Variants in ADAD2 observed in about 807,000 individuals in gnomAD.
ADAD2 encodes the protein adenosine deaminase domain containing 2.
In ADAD2, 60 loss-of-function variants were observed where a neutral mutation model predicts 54.5. The observed-to-expected ratio is 1.10, with a 90% CI of 0.89 to 1.36. The LOEUF is 1.36. ADAD2 is among the 40% of genes most tolerant of loss of function. ADAD2 has a pLI of 0.00. For synonymous variants in ADAD2, 543 were observed against 366.2 expected (o/e 1.48, Z -5.51); for missense variants, 1,103 against 801.3 (o/e 1.38, Z -4.54).
At position 84,195,886 on chromosome 16, in the gene ADAD2, A is replaced by G; in HGVS notation, c.1124A>G (p.Gln375Arg). ...PMRLQAHVLGQLKPVCYVAPS... is the reference protein window; with the variant it reads ...PMRLQAHVLGRLKPVCYVAPS... ...CGCCTGCAGGCCCATGTGCTCGGGC[A>G]GCTGAAGCCTGTGTGCTACGTGGCG... Residue 375 changes from glutamine to arginine, a missense_variant, in exon 7 of 10, where the codon CAG becomes CGG. Physicochemically the swap from Gln to Arg is conservative, Grantham distance 43. Coordinates refer to ENST00000315906, the MANE Select transcript of ADAD2 (RefSeq NM_001145400.2). 1 of 1,603,700 alleles carries G rather than the reference A, an allele frequency of 6.2e-7. No individual in the cohort carries two copies. The highest frequency in any genetic ancestry group is 8.5e-7 in the Non-Finnish European group (1 of 1,179,366).
rs376560651 is a variant in ADAD2, at chr16:84,194,985, G to A, written c.607+5G>A. The A allele has an allele frequency of 3.1e-5, 49 of 1,592,052 alleles. No homozygotes were observed. The highest frequency in any genetic ancestry group is 3.8e-5 in the Non-Finnish European group (45 of 1,173,894). On this transcript the variant is annotated splice_donor_5th_base_variant and intron_variant, in intron 3 of 9. Transcript: ENST00000315906. The stretch of plus-strand genomic sequence containing the variant: ...CACTGGCCCCCCTGAGCGTAGGTAG[G>A]TGAGCATTCCCGGACCCAGGCTTGT...
rs1462004798 is a variant in ADAD2 at position 84,196,170 on chromosome 16, C to G, written c.1326C>G (p.His442Gln). Reference sequence around the variant, plus strand: ...CTCCGACTCTGAGCAGGGCCATCCACACCCGGCCCTGCCTGGACAGTGTCC... The same window carrying G: ...CTCCGACTCTGAGCAGGGCCATCCAGACCCGGCCCTGCCTGGACAGTGTCC... ...HDPPTLSRAI[H>Q]TRPCLDSVLG... The change falls in exon 8 of 10, where the codon CAC becomes CAG. Residue 442 changes from histidine to glutamine, a missense_variant. Coordinates refer to ENST00000315906, the MANE Select transcript of ADAD2 (RefSeq NM_001145400.2). 1.2e-6 allele frequency: 2 copies of G among 1,607,230 alleles called. No individual in the cohort carries two copies. Among genetic ancestry groups the G allele is most frequent in the East Asian group, 4.5e-5 (2 of 44,860 alleles).
chr16:84,191,230 C>A lies in ADAD2; in HGVS notation c.-1C>A. On this transcript the variant is annotated 5_prime_UTR_variant, in exon 1 of 10. Coordinates refer to ENST00000315906, the MANE Select transcript of ADAD2 (RefSeq NM_001145400.2). ...AGCGCCTCAGATCTTCGTTGGCGGC[C>A]ATGGCTTCGGCTTCTCAGGGCGCTG... The A allele has an allele frequency of 6.2e-7, 1 of 1,607,110 alleles. No individual in the cohort carries two copies.
chr16:84,195,153 G>T lies in ADAD2; in HGVS notation c.692G>T (p.Trp231Leu). The T allele has an allele frequency of 6.2e-7, 1 of 1,613,556 alleles. No homozygotes were observed. Among genetic ancestry groups the T allele is most frequent in the African/African-American group, 1.3e-5 (1 of 75,070 alleles). The change falls in exon 4 of 10, where the codon TGG becomes TTG. Residue 231 changes from tryptophan to leucine, a missense_variant. Coordinates refer to ENST00000315906, the MANE Select transcript of ADAD2 (RefSeq NM_001145400.2). ...DLLLDERSPYWACKGTVAGVI... is the reference protein window; with the variant it reads ...DLLLDERSPYLACKGTVAGVI... ...CTGTTGGACGAGCGCTCGCCATACTGGGCCTGTAAGGGGACTGTGGCTGGA... is the reference window on the plus strand; with the variant it reads ...CTGTTGGACGAGCGCTCGCCATACTTGGCCTGTAAGGGGACTGTGGCTGGA...
At chr16:84,194,256 C>T (rs751180973) in intron 1 of ADAD2, 186 bp from the exon 2 acceptor site, 10 of 1,553,536 alleles carry the variant, frequency 6.4e-6, no homozygotes, top group Non-Finnish European at 8.7e-6. Context: ...TGGGTCACAG[C>T]CTGCAGAGGC....
rs369990314 is a variant in ADAD2, at chr16:84,196,249, G to A, written c.1405G>A (p.Gly469Arg). 3 of 1,612,330 alleles carry A rather than the reference G, an allele frequency of 1.9e-6. No homozygotes were observed. Among genetic ancestry groups the A allele is most frequent in the African/African-American group, 2.7e-5 (2 of 74,920 alleles). ...CCGGACCGCCCTGCACCTGTTTGCA[G>A]GGCCCCCGGTGGCCCCTTCCGAACC... ...YVRTALHLFA[G>R]PPVAPSEPTP... Residue 469 changes from glycine (G) to arginine (R), a missense_variant, in exon 8 of 10, where the codon GGG becomes AGG. Gly to Arg is a moderately radical substitution (Grantham distance 125). Transcript: ENST00000315906.
In ADAD2 at chr16:84,191,812, C is replaced by A. The variant is rs1004567031; in HGVS notation, c.418+164C>A. The A allele has an allele frequency of 3.9e-6, 4 of 1,017,712 alleles. No homozygotes were observed. In the Admixed American group the frequency reaches 8.0e-5, roughly 20 times the overall value. The allele number at this position is 1,017,712 out of a possible 1,614,324, so 63.0% of individuals were successfully genotyped here. ...CTGAGCTTGGGACCTTGGGGTGGAC[C>A]CTGCTGTGAGCAGCGATCTCCAAGG... On this transcript the variant is annotated intron_variant, in intron 1 of 9. Coordinates refer to ENST00000315906, the MANE Select transcript of ADAD2 (RefSeq NM_001145400.2).
In ADAD2 at chr16:84,191,242, T is replaced by C. The variant is rs1376859174; in HGVS notation, c.12T>C (p.Ala4=). ...CTTCGTTGGCGGCCATGGCTTCGGC[T>C]TCTCAGGGCGCTGACGACGACGGCA... MAS[A]SQGADDDGSR... The change falls in exon 1 of 10, where the codon GCT becomes GCC. Residue 4 remains alanine (A), a synonymous_variant. Transcript: ENST00000315906. The C allele has an allele frequency of 1.2e-6, 2 of 1,607,926 alleles. No individual in the cohort carries two copies. The highest frequency in any genetic ancestry group is 1.7e-6 in the Non-Finnish European group (2 of 1,177,160).
chr16:84,194,855 C>T, intron 2 of ADAD2, 78 bp from the exon 3 acceptor site: 2 of 1,472,938 alleles, frequency 1.4e-6, no homozygotes, highest in Non-Finnish European at 1.8e-6. Flanking sequence ...AACTTCCTCT[C>T]CCCGCCTCCT....
rs569135830 is a variant in ADAD2 at position 84,191,404 on chromosome 16, G to A, written c.174G>A (p.Trp58Ter). 1.3e-6 allele frequency: 2 copies of A among 1,495,138 alleles called. No individual in the cohort carries two copies. The highest frequency in any genetic ancestry group is 1.8e-6 in the Non-Finnish European group (2 of 1,126,354). The allele number at this position is 1,495,138 out of a possible 1,614,324, so 92.6% of individuals were successfully genotyped here. The change falls in exon 1 of 10, where the codon TGG becomes TGA. Residue 58 changes from tryptophan to a stop codon, truncating the protein, a stop_gained. Transcript: ENST00000315906. LOFTEE classifies it high-confidence loss of function. ...CGACGTATCGCGCGGAGGGCGGGTG[G>A]CCCCAGGTCTCGGTGTTGAGGGACA... is the stretch of plus-strand genomic sequence containing the variant. ...APATYRAEGG[W>*]PQVSVLRDSG...
In ADAD2 at chr16:84,196,188, C is replaced by T. The variant is rs753132768; in HGVS notation, c.1344C>T (p.Asp448=). ...CCATCCACACCCGGCCCTGCCTGGA[C>T]AGTGTCCTGGGGCCATGCCTGCCAC... ...SRAIHTRPCL[D]SVLGPCLPPP... The change falls in exon 8 of 10, where the codon GAC becomes GAT. Residue 448 remains aspartate (D), a synonymous_variant. Coordinates refer to ENST00000315906, the MANE Select transcript of ADAD2 (RefSeq NM_001145400.2). The T allele has an allele frequency of 1.2e-6, 2 of 1,609,288 alleles. No individual in the cohort carries two copies. The highest frequency in any genetic ancestry group is 1.7e-6 in the Non-Finnish European group (2 of 1,179,918).
rs758144028 is a variant in ADAD2 at position 84,195,916 on chromosome 16, C to G, written c.1154C>G (p.Ser385Trp). 6.2e-7 allele frequency: 1 copy of G among 1,600,366 alleles called. No homozygotes were observed. The highest frequency in any genetic ancestry group is 1.3e-5 in the African/African-American group (1 of 74,994). The change falls in exon 7 of 10, where the codon TCG (serine) becomes TGG (tryptophan). Residue 385 changes from serine to tryptophan, a missense_variant. Transcript: ENST00000315906. ...QLKPVCYVAP[S>W]LCDTHVGCLS... ...AAGCCTGTGTGCTACGTGGCGCCCT[C>G]GCTCTGTGACACCCACGTGGGCTGC... is the stretch of plus-strand genomic sequence containing the variant.
rs771560993 is a variant in ADAD2, at chr16:84,195,956, C to T, written c.1194C>T (p.Asp398=). The T allele has an allele frequency of 6.3e-7, 1 of 1,599,244 alleles. No individual in the cohort carries two copies. The highest frequency in any genetic ancestry group is 2.2e-5 in the East Asian group (1 of 44,848). The change falls in exon 7 of 10, where the codon GAC becomes GAT. Residue 398 remains aspartate (D), a synonymous_variant. Transcript: ENST00000315906. ...DTHVGCLSAS[D]KLARWAVLGL... ...ACGTGGGCTGCCTGTCAGCCAGTGACAAGCTGGCACGCTGGGCCGTGCTGG... is the reference window on the plus strand; with the variant it reads ...ACGTGGGCTGCCTGTCAGCCAGTGATAAGCTGGCACGCTGGGCCGTGCTGG...
At position 84,194,549 on chromosome 16, in the gene ADAD2, C is replaced by T; in HGVS notation, c.526C>T (p.Leu176Phe). The change falls in exon 2 of 10, where the codon CTC becomes TTC. Residue 176 changes from leucine to phenylalanine, a missense_variant. Physicochemically the swap from Leu to Phe is conservative, Grantham distance 22. Transcript: ENST00000315906. Reference protein sequence around the residue: ...EAKQQAALSALCYIRSQLENP... With the variant: ...EAKQQAALSAFCYIRSQLENP... ...CAAACAGCAGGCAGCGCTCTCTGCC[C>T]TCTGCTACATCCGGAGTCAGCTGGA... 4 of 1,609,192 alleles carry T rather than the reference C, an allele frequency of 2.5e-6. No individual in the cohort carries two copies. Among genetic ancestry groups the T allele is most frequent in the East Asian group, 2.2e-5 (1 of 44,704 alleles).
rs768402133 is a variant in ADAD2, at chr16:84,197,124, G to A, written c.*150G>A. The A allele has an allele frequency of 7.1e-5, 53 of 746,356 alleles. No homozygotes were observed. The highest frequency in any genetic ancestry group is 8.7e-5 in the Non-Finnish European group (40 of 460,136). 46.2% of individuals were successfully genotyped at this position (746,356 alleles called of 1,614,324 possible). A position where few individuals can be genotyped will look rare whatever the true frequency, so the allele number is the denominator to read the frequency against. On this transcript the variant is annotated 3_prime_UTR_variant, in exon 10 of 10. Coordinates refer to ENST00000315906, the MANE Select transcript of ADAD2 (RefSeq NM_001145400.2). ...GAGGAGCCTGCTGTGGTTGGGAGGC[G>A]GCTGCTGCACGTTTGGGCTTGAATA...
rs745714480 is a variant in ADAD2, at chr16:84,194,011, G to C, written c.419-431G>C. 1.9e-6 allele frequency: 3 copies of C among 1,578,710 alleles called. No individual in the cohort carries two copies. In the South Asian group the frequency reaches 3.4e-5, roughly 18 times the overall value. ...AAAATGATACTGTTTCATAGGAAAA[G>C]TGTTCAAATATAGAGCCCCTGGAGG... On this transcript the variant is annotated intron_variant, in intron 1 of 9. Coordinates refer to ENST00000315906, the MANE Select transcript of ADAD2 (RefSeq NM_001145400.2).
chr16:84,191,878 G>A, intron 1 of ADAD2: 1 of 670,666 alleles, frequency 1.5e-6, no homozygotes, highest in Non-Finnish European at 2.6e-6. Context: ...AAAGAGTCAT[G>A]GCAGGTGAAC....
At chr16:84,193,984 C>A in intron 1 of ADAD2, 2 of 1,548,146 alleles carry the variant, frequency 1.3e-6, no homozygotes, top group Non-Finnish European at 1.7e-6. Flanking sequence ...TAAGTAACAC[C>A]CAAAATGATA....
At chr16:84,194,649 G>A (rs766729032) in intron 2 of ADAD2, 67 bp downstream of exon 2, 24 of 1,554,688 alleles carry the variant, frequency 1.5e-5, no homozygotes, top group East Asian at 2.4e-5. Context: ...TGGCAGTCCC[G>A]TGGGGAGGCG....
Sources: gnomAD v4.1 joint callset for allele counts on GRCh38, gnomAD v4.1.1 for gene constraint, MANE v1.5 for transcripts, NCBI Gene and HGNC (gene_info 2026-07-23, HGNC 2026-07-21) for gene names.